The following GAS2 variants were observed in gnomAD, a reference collection of about 807,000 sequenced individuals.
GAS2 encodes the protein growth arrest-specific protein 2.
GAS2 carries 20 observed loss-of-function variants against 37.5 expected under a neutral mutation model. The ratio of observed to expected loss-of-function variants is 0.53; its 90% CI spans 0.37 to 0.77. The LOEUF is 0.77. Among genes scored for constraint, GAS2 ranks in the 30% least tolerant of loss-of-function variants. The probability of loss-of-function intolerance (pLI) is 0.00; values close to 1 mark genes in which losing one functional copy is unlikely to be tolerated. For missense variants in GAS2, 336 were observed against 373.4 expected (o/e 0.90, Z 0.82); for synonymous variants, 144 against 132.2 (o/e 1.09, Z -0.61).
At chr11:22,722,422 G>A (rs1223688832) in intron 3 of GAS2, among the ~76,000 whole-genome samples, 1 of 151,656 alleles carries the variant, frequency 6.6e-6, no homozygotes, top group Non-Finnish European at 1.5e-5. Context: ...TAGCTTATTG[G>A]TAGTAACTTC....
At chr11:22,697,845 C>T (rs1473562206) in intron 3 of GAS2, among the ~76,000 whole-genome samples, 2 of 152,080 alleles carry the variant, frequency 1.3e-5, no homozygotes, top group African/African-American at 4.8e-5. Context: ...AGATTTTGGG[C>T]TGAGACAATG....
intron 2 of GAS2, among the ~76,000 whole-genome samples, chr11:22,682,169 C>G (rs1849712114): frequency 6.6e-6 from 1 of 151,838 alleles, no homozygotes; most frequent in Admixed American, 6.6e-5. Flanking sequence ...TCATTAGATA[C>G]AGATGTTCAA....
intron 4 of GAS2, among the ~76,000 whole-genome samples, chr11:22,729,997 T>C (rs898842892): frequency 1.3e-5 from 2 of 151,720 alleles, no homozygotes; most frequent in African/African-American, 4.8e-5. Context: ...AACCAGAATG[T>C]CTACTGAAAC....
Position 22,756,296 on chromosome 11 carries a change from T to TA in GAS2, c.723+351dup, listed in dbSNP as rs1190511699. Among the ~76,000 whole-genome samples, 30 of 151,906 alleles carry TA rather than the reference T, an allele frequency of 2.0e-4. No homozygotes were observed. The East Asian group carries it at 5.2e-3, about 26-fold the overall frequency. On this transcript the variant is annotated intron_variant, in intron 7 of 7. Coordinates refer to ENST00000454584, the MANE Select transcript of GAS2 (RefSeq NM_001143830.3). ...TTACTAAGACCAATAATTCTTTTTTTAAAAAAAAGAAAAGAAAAGAAAATG... is the reference window on the plus strand; with the variant it reads ...TTACTAAGACCAATAATTCTTTTTTTAAAAAAAAAGAAAAGAAAAGAAAATG...
intron 3 of GAS2, among the ~76,000 whole-genome samples, chr11:22,692,174 A>G (rs1850276478): frequency 6.6e-6 from 1 of 152,170 alleles, no homozygotes; most frequent in Non-Finnish European, 1.5e-5. Flanking sequence ...GGGGGAGCGG[A>G]AAGCAGCAAT....
intron 1 of GAS2, among the ~76,000 whole-genome samples, chr11:22,649,132 G>C (rs1848740239): frequency 6.6e-6 from 1 of 151,746 alleles, no homozygotes; most frequent in South Asian, 2.1e-4. Context: ...ATGAAGGGTT[G>C]TTGAATTTTG....
chr11:22,630,061 A>G (rs572508005), intron 1 of GAS2, among the ~76,000 whole-genome samples: 13 of 151,390 alleles, frequency 8.6e-5, no homozygotes, highest in Non-Finnish European at 1.9e-4. Context: ...ATTTTTTTTT[A>G]TTATACTGTA....
chr11:22,738,662 A>G (rs1852883622), intron 5 of GAS2, among the ~76,000 whole-genome samples: 1 of 152,248 alleles, frequency 6.6e-6, no homozygotes, highest in South Asian at 2.1e-4. Context: ...ATTTATTAAT[A>G]AAATCAAGAA....
intron 3 of GAS2, among the ~76,000 whole-genome samples, chr11:22,702,986 A>T (rs1463039289): frequency 1.3e-5 from 2 of 152,168 alleles, no homozygotes; most frequent in Admixed American, 6.6e-5. Flanking sequence ...TGGTAGTGTA[A>T]ATAACAGTTG....
At chr11:22,760,513 C>T (rs539360433) in intron 7 of GAS2, among the ~76,000 whole-genome samples, 6 of 152,240 alleles carry the variant, frequency 3.9e-5, no homozygotes, top group East Asian at 1.9e-4. Context: ...GTACCAACAA[C>T]GCAATTCAAA....
At chr11:22,776,115 A>G (rs536597466) in intron 7 of GAS2, among the ~76,000 whole-genome samples, 1 of 152,328 alleles carries the variant, frequency 6.6e-6, no homozygotes, top group Non-Finnish European at 1.5e-5. Context: ...TCAGTAGCAG[A>G]GAGTAAGTAC....
At chr11:22,756,916 A>G (rs1027902600) in intron 7 of GAS2, among the ~76,000 whole-genome samples, 4 of 152,118 alleles carry the variant, frequency 2.6e-5, no homozygotes, top group Non-Finnish European at 5.9e-5. Context: ...TTGCAAGGAT[A>G]GCATACATAT....
chr11:22,720,863 A>G (rs1355071165), intron 3 of GAS2, among the ~76,000 whole-genome samples: 1 of 152,038 alleles, frequency 6.6e-6, no homozygotes, highest in Non-Finnish European at 1.5e-5. Flanking sequence ...CCATTCTCTC[A>G]GTCTCTTTTT....
intron 7 of GAS2, among the ~76,000 whole-genome samples, chr11:22,760,559 AG>A (rs1191704839): frequency 6.6e-6 from 1 of 152,252 alleles, no homozygotes; most frequent in African/African-American, 2.4e-5. Context: ...GCATATTAGC[AG>A]TCAGGTGCTA....
At chr11:22,679,157 C>G (rs959048885) in intron 2 of GAS2, among the ~76,000 whole-genome samples, 1 of 151,986 alleles carries the variant, frequency 6.6e-6, no homozygotes, top group African/African-American at 2.4e-5. Flanking sequence ...AGAAAATACT[C>G]TTTGCAGTCC....
chr11:22,739,369 T>C lies in GAS2; in HGVS notation c.473+1601T>C, dbSNP rs1480296885. On this transcript the variant is annotated intron_variant, in intron 5 of 7. Coordinates refer to ENST00000454584, the MANE Select transcript of GAS2 (RefSeq NM_001143830.3). ...GCGGGTGGATCACGAGGTCAGGAGA[T>C]CGAGACCATCCTGACTAACAGAATG... 3.3e-5 allele frequency among the ~76,000 whole-genome samples: 5 copies of C among 151,570 alleles called. No homozygotes were observed. The East Asian group carries it at 9.7e-4, about 30-fold the overall frequency.
At chr11:22,714,526 C>T (rs1159786924) in intron 3 of GAS2, among the ~76,000 whole-genome samples, 1 of 152,146 alleles carries the variant, frequency 6.6e-6, no homozygotes, top group African/African-American at 2.4e-5. Flanking sequence ...AACAAATGGA[C>T]TTCACAGATA....
At chr11:22,779,890 G>T (rs1178481977) in intron 7 of GAS2, among the ~76,000 whole-genome samples, 1 of 151,936 alleles carries the variant, frequency 6.6e-6, no homozygotes, top group Non-Finnish European at 1.5e-5. Flanking sequence ...GTTAGATTAG[G>T]TCTCCCTTTT....
chr11:22,769,301 G>A (rs1318186262), intron 7 of GAS2, among the ~76,000 whole-genome samples: 1 of 152,198 alleles, frequency 6.6e-6, no homozygotes, highest in African/African-American at 2.4e-5. Context: ...TGCATTCCAA[G>A]GAGCAGAGCA....
Sources: allele counts gnomAD v4.1 joint callset (sites outside exome capture counted in the v4.1 genomes callset), GRCh38; gene constraint gnomAD v4.1.1; transcripts MANE v1.5; gene names NCBI Gene and HGNC (gene_info 2026-07-23, HGNC 2026-07-21).